The following ADGRV1 variants were observed in gnomAD, a reference collection of about 807,000 sequenced individuals.
ADGRV1 encodes G-protein coupled receptor 98.
In ADGRV1, 359 loss-of-function variants were observed where a neutral mutation model predicts 596.2. The observed-to-expected ratio is 0.60, with a 90% CI of 0.55 to 0.66. The LOEUF (loss-of-function observed/expected upper bound fraction) is 0.66. ADGRV1 is among the 30% of genes least tolerant of loss of function. The probability of loss-of-function intolerance (pLI) is 0.00; values close to 1 mark genes in which losing one functional copy is unlikely to be tolerated. For missense variants in ADGRV1, 7,274 were observed against 7,575.6 expected, an observed-to-expected ratio of 0.96 and a Z score of 1.48; for synonymous variants, 2,681 against 2,679.2, an observed-to-expected ratio of 1.00 and a Z score of -0.02.
chr5:91,098,924 C>T (rs548912518), intron 86 of ADGRV1, among the ~76,000 whole-genome samples: 2 of 151,540 alleles, frequency 1.3e-5, no homozygotes, highest in Admixed American at 6.5e-5. Flanking sequence ...ATGCAGTTGC[C>T]AGACTTGATA....
intron 67 of ADGRV1, among the ~76,000 whole-genome samples, chr5:90,786,066 C>T (rs1039426137): frequency 1.3e-5 from 2 of 152,160 alleles, no homozygotes; most frequent in Admixed American, 1.3e-4. Flanking sequence ...GAATACTATG[C>T]AGCCATAAAA....
intron 67 of ADGRV1, among the ~76,000 whole-genome samples, chr5:90,787,102 G>T (rs1026754553): frequency 3.3e-5 from 5 of 152,162 alleles, no homozygotes; most frequent in Admixed American, 6.5e-5. Context: ...AAAGCAGGTG[G>T]CACATGAGTA....
intron 86 of ADGRV1, among the ~76,000 whole-genome samples, chr5:91,087,207 C>G (rs1420631951): frequency 6.6e-6 from 1 of 152,166 alleles, no homozygotes; most frequent in Non-Finnish European, 1.5e-5. Context: ...TTATAAATCT[C>G]TCTTATAATA....
intron 1 of ADGRV1, among the ~76,000 whole-genome samples, chr5:90,568,514 T>G: frequency 6.6e-6 from 1 of 152,198 alleles, no homozygotes; most frequent in East Asian, 1.9e-4. Context: ...TTATTGAGAC[T>G]TGGTTTAGGA....
intron 24 of ADGRV1, among the ~76,000 whole-genome samples, chr5:90,675,855 C>T (rs1773186065): frequency 6.6e-6 from 1 of 151,700 alleles, no homozygotes; most frequent in Admixed American, 6.6e-5. Flanking sequence ...AAGAAATAAT[C>T]TACTTTATCT....
chr5:90,810,498 A>G lies in ADGRV1; in HGVS notation c.15238A>G (p.Asn5080Asp). The change falls in exon 74 of 90, where the codon AAT becomes GAT. Residue 5080 changes from asparagine (N) to aspartate (D), a missense_variant. This residue lies in a region of ADGRV1 where 1,874 missense variants were observed against 1,970.2 expected (regional missense o/e 0.95). Transcript: ENST00000405460. ...TEVDFEITII[N>D]DQLSEIEEFF... ...GGTTGATTTTGAAATAACCATTATT[A>G]ATGATCAGCTTTCTGAGATAGAAGA... is the stretch of plus-strand genomic sequence containing the variant. 6.2e-7 allele frequency: 1 copy of G among 1,613,910 alleles called. No individual in the cohort carries two copies. Among genetic ancestry groups the G allele is most frequent in the Non-Finnish European group, 8.5e-7 (1 of 1,179,798 alleles).
At position 91,076,669 on chromosome 5, in the gene ADGRV1, A is replaced by T. The variant is rs1443604763; in HGVS notation, c.18310+4065A>T. Among the ~76,000 whole-genome samples, 7 of 152,088 alleles carry T rather than the reference A, an allele frequency of 4.6e-5. No individual in the cohort carries two copies. The South Asian group carries it at 8.3e-4, about 18-fold the overall frequency. ...TAAATATTCCTCAAAAGTTATTATT[A>T]TTAGGACTATTTTTATAAGAAATAT... On this transcript the variant is annotated intron_variant, in intron 86 of 89. Transcript: ENST00000405460.
chr5:91,125,055 G>A (rs1336840945), intron 87 of ADGRV1, among the ~76,000 whole-genome samples: 2 of 152,144 alleles, frequency 1.3e-5, no homozygotes, highest in African/African-American at 4.8e-5. Flanking sequence ...GCAGACCTCC[G>A]AGTGACCAGG....
chr5:90,928,545 C>G (rs1261115975), intron 83 of ADGRV1, among the ~76,000 whole-genome samples: 3 of 150,234 alleles, frequency 2.0e-5, no homozygotes, highest in Non-Finnish European at 4.4e-5. Context: ...AAATTTTTTT[C>G]AAAGTTTTCA....
chr5:90,872,051 C>T (rs1259951368), intron 83 of ADGRV1, among the ~76,000 whole-genome samples: 2 of 152,172 alleles, frequency 1.3e-5, no homozygotes, highest in Non-Finnish European at 1.5e-5. Flanking sequence ...GAGTTGAACA[C>T]TGAATCCTTC....
intron 85 of ADGRV1, among the ~76,000 whole-genome samples, chr5:90,991,834 G>C (rs1056237058): frequency 6.6e-6 from 1 of 152,172 alleles, no homozygotes; most frequent in African/African-American, 2.4e-5. Flanking sequence ...GATATCATAT[G>C]AGAGTCTTTA....
chr5:91,077,237 C>T (rs1356320162), intron 86 of ADGRV1, among the ~76,000 whole-genome samples: 1 of 152,136 alleles, frequency 6.6e-6, no homozygotes, highest in African/African-American at 2.4e-5. Context: ...TAGGCCAAAA[C>T]CATAGACCTG....
At position 90,690,839 on chromosome 5, in the gene ADGRV1, A is replaced by G; in HGVS notation, c.6749A>G (p.Asn2250Ser). The change falls in exon 31 of 90, where the codon AAC becomes AGC. Residue 2250 changes from asparagine (N) to serine (S), a missense_variant. This residue lies in a region of ADGRV1 where 3,643 missense variants were observed against 3,809.2 expected (regional missense o/e 0.96). Transcript: ENST00000405460. ...TKLIVEEPEF[N>S]SVKVNLPIIR... is the part of the protein sequence containing the mutation. ...CTTATTGTAGAGGAACCTGAGTTTA[A>G]CTCAGTGAAGGTAAACCTGCCAATA... is the stretch of plus-strand genomic sequence containing the variant. 1 of 1,604,312 alleles carries G rather than the reference A, an allele frequency of 6.2e-7. No homozygotes were observed. Among genetic ancestry groups the G allele is most frequent in the Non-Finnish European group, 8.5e-7 (1 of 1,174,670 alleles).
intron 85 of ADGRV1, among the ~76,000 whole-genome samples, chr5:91,066,077 CT>C (rs1341598830): frequency 6.6e-6 from 1 of 152,150 alleles, no homozygotes; most frequent in Non-Finnish European, 1.5e-5. Context: ...TTCTCCTCAC[CT>C]TTTTAAGGAA....
chr5:90,930,576 G>GA (rs1775148968), intron 83 of ADGRV1, among the ~76,000 whole-genome samples: 2 of 151,800 alleles, frequency 1.3e-5, no homozygotes, highest in South Asian at 4.2e-4. Context: ...TTTAACCAAA[G>GA]AAAAAAGGAC....
In ADGRV1 at chr5:90,689,967, A is replaced by C; in HGVS notation, c.6597A>C (p.Glu2199Asp). 6.2e-7 allele frequency: 1 copy of C among 1,611,346 alleles called. No individual in the cohort carries two copies. The highest frequency in any genetic ancestry group is 1.1e-5 in the South Asian group (1 of 90,444). The change falls in exon 30 of 90, where the codon GAA (glutamate) becomes GAC (aspartate). Residue 2199 changes from glutamate (E) to aspartate (D), a missense_variant. Physicochemically the swap from Glu to Asp is conservative, Grantham distance 45. Transcript: ENST00000405460. The stretch of plus-strand genomic sequence containing the variant: ...ATGATATCTATCCTGAACTGGAAGA[A>C]TCTTTTCTTGTGCAACTGATGAATG... ...VINDIYPELEESFLVQLMNET... is the reference protein window; with the variant it reads ...VINDIYPELEDSFLVQLMNET...
chr5:90,745,254 C>A lies in ADGRV1; in HGVS notation c.10758C>A (p.Asp3586Glu). 6.3e-7 allele frequency: 1 copy of A among 1,588,406 alleles called. No homozygotes were observed. Among genetic ancestry groups the A allele is most frequent in the Non-Finnish European group, 8.5e-7 (1 of 1,170,160 alleles). ...TAGCCTACATTTCCAGCCATTCTGACTTTATTCCTAGGTAGGTTCAACATT... is the reference window on the plus strand; with the variant it reads ...TAGCCTACATTTCCAGCCATTCTGAATTTATTCCTAGGTAGGTTCAACATT... ...YELAYISSHSDFIPSSGELIF... is the reference protein window; with the variant it reads ...YELAYISSHSEFIPSSGELIF... The change falls in exon 51 of 90, where the codon GAC (aspartate) becomes GAA (glutamate). Residue 3586 changes from aspartate to glutamate, a missense_variant. By Grantham distance (45) the Asp-to-Glu change is conservative. Around this residue, in one of 5 missense-constraint regions of ADGRV1, gnomAD observed 3,643 missense variants for 3,809.2 expected, o/e 0.96. Transcript: ENST00000405460.
chr5:90,818,468 A>G, intron 75 of ADGRV1, among the ~76,000 whole-genome samples: 1 of 150,322 alleles, frequency 6.7e-6, no homozygotes, highest in African/African-American at 2.4e-5. Context: ...AGGAGTGGTG[A>G]GAGAGGGCAT....
chr5:90,674,315 T>C (rs1772925500), intron 23 of ADGRV1, 81 bp downstream of exon 23: 1 of 1,119,084 alleles, frequency 8.9e-7, no homozygotes, highest in East Asian at 2.7e-5. Flanking sequence ...AGGCACTTTT[T>C]GCAAATGACG....
Sources: allele counts gnomAD v4.1 joint callset (sites outside exome capture counted in the v4.1 genomes callset), GRCh38; gene constraint gnomAD v4.1.1; regional missense constraint gnomAD v4.1.1; transcripts MANE v1.5; gene names NCBI Gene and HGNC (gene_info 2026-07-23, HGNC 2026-07-21).